Variants in OLFM2 observed in about 807,000 individuals in gnomAD.
OLFM2 encodes olfactomedin 2, also known as noelin-2.
Under a neutral mutation model 43.9 loss-of-function variants are expected in OLFM2, and 20 were observed. That is an observed-to-expected ratio of 0.46 (90% CI 0.32 to 0.66). OLFM2 has a LOEUF of 0.66. Among genes scored for constraint, OLFM2 ranks in the 30% least tolerant of loss-of-function variants. The pLI, the probability that OLFM2 is intolerant of heterozygous loss-of-function variation, is 0.04. For synonymous variants in OLFM2, 268 were observed against 278.6 expected, an observed-to-expected ratio of 0.96 and a Z score of 0.38; for missense variants, 416 against 643.6, an observed-to-expected ratio of 0.65 and a Z score of 3.83.
intron 1 of OLFM2, among the ~76,000 whole-genome samples, chr19:9,882,698 T>A (rs1412678149): frequency 1.3e-5 from 2 of 151,352 alleles, no homozygotes; most frequent in Non-Finnish European, 2.9e-5. Context: ...TCACTTGGCC[T>A]CAGGAGTTTG....
At position 9,854,516 on chromosome 19, in the gene OLFM2, G is replaced by C; in HGVS notation, c.1035C>G (p.Ile345Met). 6.2e-7 allele frequency: 1 copy of C among 1,613,856 alleles called. No homozygotes were observed. Among genetic ancestry groups the C allele is most frequent in the Non-Finnish European group, 8.5e-7 (1 of 1,180,034 alleles). ...VYTTNQNAGN[I>M]VVSRLDPHTL... is the part of the protein sequence containing the mutation. ...TGTGCGGGTCCAGCCGGCTGACCAC[G>C]ATGTTGCCCGCGTTCTGGTTGGTGG... The change falls in exon 6 of 6, where the codon ATC becomes ATG. Residue 345 changes from isoleucine to methionine, a missense_variant. By Grantham distance (10) the Ile-to-Met change is conservative. Coordinates refer to ENST00000264833, the MANE Select transcript of OLFM2 (RefSeq NM_058164.4). This position sits in a 1 kb window ranked among gnomAD's most constrained non-coding sequence, Gnocchi z 9.5.
intron 5 of OLFM2, among the ~76,000 whole-genome samples, chr19:9,855,081 C>T (rs1158797405): frequency 6.6e-6 from 1 of 152,144 alleles, no homozygotes; most frequent in East Asian, 1.9e-4. Context: ...CGTCTTATCA[C>T]TCAATGGCTG....
chr19:9,934,345 G>A (rs1191072649), intron 1 of OLFM2, among the ~76,000 whole-genome samples: 2 of 152,048 alleles, frequency 1.3e-5, no homozygotes, highest in African/African-American at 4.8e-5. Flanking sequence ...CCACGCCCCC[G>A]TTGTCCTTTA....
At position 9,854,275 on chromosome 19, in the gene OLFM2, C is replaced by G; in HGVS notation, c.1276G>C (p.Glu426Gln). ...HISMLDYNPR[E>Q]RALYTWNNGH... ...TTGTTCCAGGTATAGAGGGCGCGCTCCCGGGGGTTGTAATCCAGCATCGAG... is the reference window on the plus strand; with the variant it reads ...TTGTTCCAGGTATAGAGGGCGCGCTGCCGGGGGTTGTAATCCAGCATCGAG... The change falls in exon 6 of 6, where the codon GAG becomes CAG. Residue 426 changes from glutamate (E) to glutamine (Q), a missense_variant. Coordinates refer to ENST00000264833, the MANE Select transcript of OLFM2 (RefSeq NM_058164.4). The surrounding 1 kb of genome is among the most constrained non-coding windows in gnomAD (Gnocchi z 9.5). 1 of 1,614,114 alleles carries G rather than the reference C, an allele frequency of 6.2e-7. No homozygotes were observed. Among genetic ancestry groups the G allele is most frequent in the Non-Finnish European group, 8.5e-7 (1 of 1,180,022 alleles).
Position 9,854,503 on chromosome 19 carries a change from G to C in OLFM2, c.1048C>G (p.Leu350Val), listed in dbSNP as rs1392204446. 1 of 1,613,766 alleles carries C rather than the reference G, an allele frequency of 6.2e-7. No individual in the cohort carries two copies. Among genetic ancestry groups the C allele is most frequent in the East Asian group, 2.2e-5 (1 of 44,892 alleles). Residue 350 changes from leucine to valine, a missense_variant, in exon 6 of 6, where the codon CTG becomes GTG. Transcript: ENST00000264833. The surrounding 1 kb of genome is among the most constrained non-coding windows in gnomAD (Gnocchi z 9.5). ...QNAGNIVVSR[L>V]DPHTLEVMRS... ...ATGACCTCGAGGGTGTGCGGGTCCA[G>C]CCGGCTGACCACGATGTTGCCCGCG...
rs1482453382 is a variant in OLFM2, at chr19:9,884,902, TTCCTGTACACTCC to T, written c.64-24121_64-24109del. Among the ~76,000 whole-genome samples, 4 of 151,946 alleles carry T rather than the reference TTCCTGTACACTCC, an allele frequency of 2.6e-5. No individual in the cohort carries two copies. In the East Asian group the frequency reaches 7.7e-4, roughly 29 times the overall value. ...AAGATATGAATGAATGAATGAATGC[TTCCTGTACACTCC>T]AAGTTTTCCATGTGACCCCTTCCTC... On this transcript the variant is annotated intron_variant, in intron 1 of 5. Coordinates refer to ENST00000264833, the MANE Select transcript of OLFM2 (RefSeq NM_058164.4).
Position 9,856,780 on chromosome 19 carries a change from A to T in OLFM2, c.687+27T>A. The T allele has an allele frequency of 1.3e-6, 2 of 1,579,066 alleles. No homozygotes were observed. The highest frequency in any genetic ancestry group is 1.7e-6 in the Non-Finnish European group (2 of 1,152,126). On this transcript the variant is annotated intron_variant, in intron 5 of 5. Transcript: ENST00000264833. The surrounding 1 kb of genome is among the most constrained non-coding windows in gnomAD (Gnocchi z 4.0). ...AAGGCTCTGTCCCTCCCAGGCCCTG[A>T]CCCCAGGGGTGGGCGCAGTCACTCA... is the stretch of plus-strand genomic sequence containing the variant.
chr19:9,933,426 CG>C (rs1000069185), intron 1 of OLFM2, among the ~76,000 whole-genome samples: 14 of 151,976 alleles, frequency 9.2e-5, no homozygotes, highest in African/African-American at 2.2e-4. Flanking sequence ...TTAGTAGAGA[CG>C]GGGTTTCACC....
intron 1 of OLFM2, among the ~76,000 whole-genome samples, chr19:9,924,052 G>A (rs8100752): frequency 0.15 from 20,543 of 140,302 alleles, 4,329 homozygotes; most frequent in African/African-American, 0.48. Context: ...GTGAGCCGAG[G>A]TCGTACCACT....
intron 1 of OLFM2, among the ~76,000 whole-genome samples, chr19:9,908,464 ATTTTTTTTTTTTTTTTTT>A (rs34305631): frequency 3.5e-4 from 14 of 40,344 alleles, no homozygotes; most frequent in African/African-American, 1.7e-3. Context: ...CACCTGGCTA[ATTTTTTTTTTTTTTTTTT>A]TTTTTTTTTT....
At chr19:9,883,854 G>C (rs536890908) in intron 1 of OLFM2, among the ~76,000 whole-genome samples, 1 of 152,284 alleles carries the variant, frequency 6.6e-6, no homozygotes, top group Admixed American at 6.5e-5. Context: ...CCTCAGACAA[G>C]TGACTTAAGC....
chr19:9,880,532 G>C (rs764645435), intron 1 of OLFM2, among the ~76,000 whole-genome samples: 2 of 152,098 alleles, frequency 1.3e-5, no homozygotes, highest in Non-Finnish European at 2.9e-5. Flanking sequence ...AGGTGTTTGA[G>C]GTTGCAGTGA....
intron 1 of OLFM2, among the ~76,000 whole-genome samples, chr19:9,902,250 G>A (rs999982516): frequency 2.6e-5 from 4 of 151,800 alleles, no homozygotes; most frequent in African/African-American, 9.7e-5. Context: ...GGAGGGTCTC[G>A]ATCTCCTGAC....
intron 1 of OLFM2, among the ~76,000 whole-genome samples, chr19:9,905,612 G>A (rs1599492375): frequency 6.8e-6 from 1 of 147,978 alleles, no homozygotes; most frequent in Non-Finnish European, 1.5e-5. Flanking sequence ...GCGACAGAAT[G>A]AGACTCCATC....
intron 1 of OLFM2, among the ~76,000 whole-genome samples, chr19:9,902,382 C>CTTTT (rs376869987): frequency 8.2e-6 from 1 of 122,666 alleles, no homozygotes; most frequent in Non-Finnish European, 1.7e-5. Flanking sequence ...TTGCCTTCAT[C>CTTTT]TTTTTTTTTT....
chr19:9,882,406 C>T (rs1320779536), intron 1 of OLFM2, among the ~76,000 whole-genome samples: 1 of 151,558 alleles, frequency 6.6e-6, no homozygotes, highest in Admixed American at 6.6e-5. Context: ...GGCAAGGTGG[C>T]GGGCGCCTGT....
At chr19:9,880,224 G>C (rs910955198) in intron 1 of OLFM2, among the ~76,000 whole-genome samples, 1 of 152,168 alleles carries the variant, frequency 6.6e-6, no homozygotes, top group Non-Finnish European at 1.5e-5. Flanking sequence ...CTAAGTTTAC[G>C]GATGTAGGAG....
chr19:9,860,570 TG>T, intron 2 of OLFM2, 74 bp downstream of exon 2: 1 of 1,512,778 alleles, frequency 6.6e-7, no homozygotes. Context: ...CTGGCTGACC[TG>T]GATGGGGCTG....
At chr19:9,915,312 A>G (rs1029962563) in intron 1 of OLFM2, among the ~76,000 whole-genome samples, 1 of 150,392 alleles carries the variant, frequency 6.6e-6, no homozygotes, top group African/African-American at 2.5e-5. Flanking sequence ...CCTGGCCTCA[A>G]TCGATCCTCC....
Sources: allele counts gnomAD v4.1 joint callset (sites outside exome capture counted in the v4.1 genomes callset), GRCh38; gene constraint gnomAD v4.1.1; non-coding constraint Gnocchi (gnomAD v3.1); transcripts MANE v1.5; gene names NCBI Gene and HGNC (gene_info 2026-07-23, HGNC 2026-07-21).